The following KCNAB1 variants were observed in gnomAD, a reference collection of about 807,000 sequenced individuals.
The protein encoded by KCNAB1 is voltage-gated potassium channel subunit beta-1.
A neutral mutation model predicts 64.6 loss-of-function variants in KCNAB1; 35 were observed. The ratio of observed to expected loss-of-function variants is 0.54; its 90% CI spans 0.41 to 0.72. The LOEUF (loss-of-function observed/expected upper bound fraction) is 0.72. KCNAB1 is among the 30% of genes least tolerant of loss of function. The pLI, the probability that KCNAB1 is intolerant of heterozygous loss-of-function variation, is 0.00. For synonymous variants in KCNAB1, 177 were observed against 183.8 expected (o/e 0.96, Z 0.30); for missense variants, 401 against 512.9 (o/e 0.78, Z 2.11).
intron 8 of KCNAB1, among the ~76,000 whole-genome samples, chr3:156,514,039 G>A (rs1049085510): frequency 2.6e-5 from 4 of 152,142 alleles, no homozygotes; most frequent in Non-Finnish European, 5.9e-5. Context: ...TCTTAAAAAG[G>A]TAAATCATGT....
chr3:156,283,220 T>G (rs1289943342), intron 1 of KCNAB1, among the ~76,000 whole-genome samples: 1 of 149,866 alleles, frequency 6.7e-6, no homozygotes. Flanking sequence ...CTCCTTCACT[T>G]ATGAAGCTTA....
chr3:156,449,539 G>A (rs918657505), intron 2 of KCNAB1, among the ~76,000 whole-genome samples: 4 of 152,142 alleles, frequency 2.6e-5, no homozygotes, highest in East Asian at 1.9e-4. Context: ...CTTCAGTACC[G>A]TTTTTGCATT....
Position 156,454,902 on chromosome 3 carries a change from G to A in KCNAB1, c.357+1966G>A, listed in dbSNP as rs562334428. ...CTGCTGCAATGAGCCAAGCTTGCCC[G>A]GGTCGTAGTGTGAAGGGCTGACCTC... On this transcript the variant is annotated intron_variant, in intron 3 of 13. Transcript: ENST00000490337. Among the ~76,000 whole-genome samples, 6 of 152,234 alleles carry A rather than the reference G, an allele frequency of 3.9e-5. No homozygotes were observed. In the South Asian group the frequency reaches 6.2e-4, roughly 16 times the overall value.
intron 1 of KCNAB1, among the ~76,000 whole-genome samples, chr3:156,205,548 G>A (rs1714602908): frequency 6.6e-6 from 1 of 152,170 alleles, no homozygotes; most frequent in African/African-American, 2.4e-5. Flanking sequence ...GGTAAATTCA[G>A]TTACTTTCAT....
chr3:156,391,948 A>G (rs576145425), intron 1 of KCNAB1, among the ~76,000 whole-genome samples: 1 of 152,310 alleles, frequency 6.6e-6, no homozygotes, highest in African/African-American at 2.4e-5. Flanking sequence ...AAATGTTTTG[A>G]TCTCCAGAAA....
At chr3:156,334,286 G>A (rs185304783) in intron 1 of KCNAB1, among the ~76,000 whole-genome samples, 3 of 152,312 alleles carry the variant, frequency 2.0e-5, no homozygotes, top group Non-Finnish European at 4.4e-5. Context: ...TACACCATCA[G>A]TAGGTAACCT....
intron 1 of KCNAB1, among the ~76,000 whole-genome samples, chr3:156,199,013 G>A (rs946769214): frequency 3.4e-5 from 5 of 146,092 alleles, no homozygotes; most frequent in Non-Finnish European, 7.4e-5. Flanking sequence ...GGCAGGCCTG[G>A]TGGTGGCAAT....
At position 156,465,742 on chromosome 3, in the gene KCNAB1, G is replaced by T. The variant is rs377430816; in HGVS notation, c.571+56G>T. Reference sequence around the variant, plus strand: ...GTTGTGGGCCCCTCATTCAAGAAAGGTATCAACCAAACAAATTCAGAACAC... The same window carrying T: ...GTTGTGGGCCCCTCATTCAAGAAAGTTATCAACCAAACAAATTCAGAACAC... On this transcript the variant is annotated intron_variant, in intron 7 of 13. Coordinates refer to ENST00000490337, the MANE Select transcript of KCNAB1 (RefSeq NM_172160.3). 4.3e-6 allele frequency: 6 copies of T among 1,410,926 alleles called. No individual in the cohort carries two copies. In the Admixed American group the frequency reaches 5.0e-5, roughly 12 times the overall value. 87.4% of individuals were successfully genotyped at this position (1,410,926 alleles called of 1,614,324 possible). A position where few individuals can be genotyped will look rare whatever the true frequency, so the allele number is the denominator to read the frequency against.
chr3:156,436,600 A>G (rs1158226644), intron 2 of KCNAB1, among the ~76,000 whole-genome samples: 1 of 152,108 alleles, frequency 6.6e-6, no homozygotes, highest in Non-Finnish European at 1.5e-5. Context: ...CTTTTTAATA[A>G]TGGTCATTCT....
rs535694697 is a variant in KCNAB1 at position 156,284,966 on chromosome 3, A to G, written c.276-136650A>G. Reference sequence around the variant, plus strand: ...GGAGCTGTAGACCAGAGCTGTTCCTATTCGGCCATCTTGGCTCCTCCCCCG... The same window carrying G: ...GGAGCTGTAGACCAGAGCTGTTCCTGTTCGGCCATCTTGGCTCCTCCCCCG... On this transcript the variant is annotated intron_variant, in intron 1 of 13. Transcript: ENST00000490337. Among the ~76,000 whole-genome samples, 4 of 152,174 alleles carry G rather than the reference A, an allele frequency of 2.6e-5. No homozygotes were observed. In the East Asian group the frequency reaches 7.7e-4, roughly 29 times the overall value.
chr3:156,281,504 C>T (rs1278045690), intron 1 of KCNAB1, among the ~76,000 whole-genome samples: 9 of 151,964 alleles, frequency 5.9e-5, no homozygotes, highest in African/African-American at 2.2e-4. Context: ...AGGATTCCCT[C>T]TTTTTCTATT....
intron 8 of KCNAB1, among the ~76,000 whole-genome samples, chr3:156,493,014 G>A (rs1466098960): frequency 1.3e-5 from 2 of 152,094 alleles, no homozygotes; most frequent in South Asian, 2.1e-4. Flanking sequence ...AAGCTAAAGA[G>A]TAAAACAATA....
At chr3:156,243,227 T>A (rs1309304512) in intron 1 of KCNAB1, among the ~76,000 whole-genome samples, 6 of 149,028 alleles carry the variant, frequency 4.0e-5, no homozygotes, top group East Asian at 2.0e-4. Flanking sequence ...CTTATTTTTT[T>A]AAATTTTTTA....
chr3:156,120,629 A>G lies in KCNAB1; in HGVS notation c.18A>G (p.Thr6=). 6.2e-7 allele frequency: 1 copy of G among 1,614,170 alleles called. No homozygotes were observed. Among genetic ancestry groups the G allele is most frequent in the Non-Finnish European group, 8.5e-7 (1 of 1,179,982 alleles). The change falls in exon 1 of 14, where the codon ACA becomes ACG. Residue 6 remains threonine, a synonymous_variant. Coordinates refer to ENST00000490337, the MANE Select transcript of KCNAB1 (RefSeq NM_172160.3). Reference sequence around the variant, plus strand: ...TCTCCACGATGCTGGCAGCCCGGACAGGGGCAGCGGGGAGTCAGATCTCAG... The same window carrying G: ...TCTCCACGATGCTGGCAGCCCGGACGGGGGCAGCGGGGAGTCAGATCTCAG... MLAAR[T]GAAGSQISEE... is the part of the protein sequence containing the mutation.
chr3:156,312,751 T>C (rs1722013023), intron 1 of KCNAB1, among the ~76,000 whole-genome samples: 2 of 139,612 alleles, frequency 1.4e-5, no homozygotes, highest in South Asian at 4.7e-4. Context: ...ATGAAATTAG[T>C]TCTATGTGCA....
intron 2 of KCNAB1, among the ~76,000 whole-genome samples, chr3:156,440,372 A>C (rs766496670): frequency 3.9e-5 from 6 of 152,238 alleles, no homozygotes; most frequent in Non-Finnish European, 8.8e-5. Context: ...CTCTATGCCA[A>C]AGCATGGCTG....
At chr3:156,218,801 A>AATAAT (rs1553822948) in intron 1 of KCNAB1, among the ~76,000 whole-genome samples, 50,339 of 111,644 alleles carry the variant, frequency 0.45, 12,088 homozygotes, top group East Asian at 0.71. Context: ...AAAAAAAAAA[A>AATAAT]AATAATAATA....
chr3:156,435,981 C>T (rs1220327672), intron 2 of KCNAB1, among the ~76,000 whole-genome samples: 2 of 152,064 alleles, frequency 1.3e-5, no homozygotes, highest in African/African-American at 4.8e-5. Context: ...AGGTACATGC[C>T]TGTCCTGGTG....
intron 2 of KCNAB1, among the ~76,000 whole-genome samples, chr3:156,437,951 C>A (rs1716701516): frequency 6.6e-6 from 1 of 152,206 alleles, no homozygotes; most frequent in Admixed American, 6.5e-5. Flanking sequence ...AACATCCCAA[C>A]CCACTGCTTA....
Sources: allele counts gnomAD v4.1 joint callset (sites outside exome capture counted in the v4.1 genomes callset), GRCh38; gene constraint gnomAD v4.1.1; transcripts MANE v1.5; gene names NCBI Gene and HGNC (gene_info 2026-07-23, HGNC 2026-07-21).